Variants in RALYL observed in about 807,000 individuals in gnomAD.
The protein encoded by RALYL is RALY RNA binding protein like.
In RALYL, 29 loss-of-function variants were observed where a neutral mutation model predicts 35.1. That is an observed-to-expected ratio of 0.83 (90% CI 0.61 to 1.13). The LOEUF (loss-of-function observed/expected upper bound fraction) is 1.13. RALYL is among the 50% of genes most tolerant of loss of function. The pLI is 0.00. For missense variants in RALYL, 359 were observed against 360.4 expected (o/e 1.00, Z 0.03); for synonymous variants, 120 against 127.6 (o/e 0.94, Z 0.40).
chr8:84,687,510 C>T (rs527964950), intron 2 of RALYL, among the ~76,000 whole-genome samples: 12 of 151,988 alleles, frequency 7.9e-5, no homozygotes, highest in African/African-American at 2.9e-4. Context: ...TTATAGTTTC[C>T]GATCCTTTGA....
chr8:84,666,272 C>A (rs1308298894), intron 2 of RALYL, among the ~76,000 whole-genome samples: 1 of 151,966 alleles, frequency 6.6e-6, no homozygotes, highest in Non-Finnish European at 1.5e-5. Context: ...ACTTCTGAGA[C>A]CATAGTGAAG....
chr8:84,184,917 C>A, intron 1 of RALYL: 1 of 1,557,270 alleles, frequency 6.4e-7, no homozygotes, highest in South Asian at 1.1e-5. Context: ...CCAGGCCACG[C>A]GAGCCGGAGC....
At chr8:84,455,578 G>A (rs139033677) in intron 1 of RALYL, among the ~76,000 whole-genome samples, 1 of 151,752 alleles carries the variant, frequency 6.6e-6, no homozygotes, top group Non-Finnish European at 1.5e-5. Flanking sequence ...AGCCATTCAG[G>A]GTTTAAATAT....
chr8:84,311,089 A>AT lies in RALYL; in HGVS notation c.-24+126665_-24+126666insT, dbSNP rs1234892414. 1.3e-3 allele frequency among the ~76,000 whole-genome samples: 191 copies of AT among 142,610 alleles called. 14 individuals carry two copies. Among genetic ancestry groups the AT allele is most frequent in the Middle Eastern group, 3.6e-3 (1 of 278 alleles). 93.6% of individuals were successfully genotyped at this position (142,610 alleles called of 152,430 possible). A position where few individuals can be genotyped will look rare whatever the true frequency, so the allele number is the denominator to read the frequency against. On this transcript the variant is annotated intron_variant, in intron 1 of 8. Coordinates refer to ENST00000521268, the MANE Select transcript of RALYL (RefSeq NM_173848.7). The stretch of plus-strand genomic sequence containing the variant: ...AAAAAAAAAAAAAAAAAAAAAAAAA[A>AT]AATGTATATTAATGTATAGTATAAA...
chr8:84,517,854 T>C, intron 1 of RALYL, among the ~76,000 whole-genome samples: 1 of 152,156 alleles, frequency 6.6e-6, no homozygotes, highest in Admixed American at 6.5e-5. Context: ...GCATCTCATT[T>C]AAATTTCTTA....
At chr8:84,746,776 T>C (rs1808704618) in intron 2 of RALYL, among the ~76,000 whole-genome samples, 1 of 151,910 alleles carries the variant, frequency 6.6e-6, no homozygotes, top group South Asian at 2.1e-4. Context: ...TACTTAATAA[T>C]AAAGTCATTT....
At chr8:84,507,336 C>G (rs1333321128) in intron 1 of RALYL, among the ~76,000 whole-genome samples, 2 of 152,070 alleles carry the variant, frequency 1.3e-5, no homozygotes, top group East Asian at 1.9e-4. Flanking sequence ...ATGCATGACC[C>G]ATTTTACTAT....
chr8:84,412,057 T>TGG (rs2044158806), intron 1 of RALYL, among the ~76,000 whole-genome samples: 1 of 152,008 alleles, frequency 6.6e-6, no homozygotes, highest in African/African-American at 2.4e-5. Context: ...CTAGCTGTTA[T>TGG]TAATTTTCAC....
intron 4 of RALYL, among the ~76,000 whole-genome samples, chr8:84,817,578 C>T (rs904656794): frequency 2.0e-5 from 3 of 150,842 alleles, no homozygotes; most frequent in East Asian, 3.9e-4. Flanking sequence ...TCTTTTGAGA[C>T]AGGGTCTTAC....
At chr8:84,682,429 T>G (rs896340867) in intron 2 of RALYL, among the ~76,000 whole-genome samples, 1 of 152,218 alleles carries the variant, frequency 6.6e-6, no homozygotes, top group Admixed American at 6.5e-5. Flanking sequence ...TAGCTTTTCC[T>G]TTTACCTCTG....
chr8:84,781,200 G>A (rs959106444), intron 3 of RALYL, among the ~76,000 whole-genome samples: 4 of 152,010 alleles, frequency 2.6e-5, no homozygotes, highest in African/African-American at 7.3e-5. Flanking sequence ...CTATGATGAT[G>A]TTGCTAAATC....
intron 2 of RALYL, among the ~76,000 whole-genome samples, chr8:84,600,076 T>A (rs547074835): frequency 7.9e-5 from 12 of 152,208 alleles, no homozygotes; most frequent in African/African-American, 2.9e-4. Flanking sequence ...ACTTATAGAT[T>A]TTCACAGTGC....
chr8:84,514,384 A>G (rs1228659487), intron 1 of RALYL, among the ~76,000 whole-genome samples: 2 of 152,172 alleles, frequency 1.3e-5, no homozygotes, highest in African/African-American at 4.8e-5. Flanking sequence ...ATAACAAAGT[A>G]TTTGAGATAG....
chr8:84,310,884 A>G (rs1842653588), intron 1 of RALYL, among the ~76,000 whole-genome samples: 1 of 144,380 alleles, frequency 6.9e-6, no homozygotes, highest in African/African-American at 2.7e-5. Flanking sequence ...CGTCTCTACT[A>G]AAAATACAAA....
intron 8 of RALYL, among the ~76,000 whole-genome samples, chr8:84,905,677 G>A (rs971475540): frequency 2.0e-5 from 3 of 150,740 alleles, no homozygotes; most frequent in African/African-American, 7.3e-5. Context: ...TGAATTTTCT[G>A]GCACTACCAT....
rs201091689 is a variant in RALYL at position 84,377,462 on chromosome 8, T to TGTTTGTTTGTTTGTTTGTTTG, written c.-23-151837_-23-151836insGTTTGTTTGTTTGTTTGTTTG. Among the ~76,000 whole-genome samples the TGTTTGTTTGTTTGTTTGTTTG allele has an allele frequency of 4.0e-3, 591 of 146,916 alleles. 9 individuals carry two copies. Among genetic ancestry groups the TGTTTGTTTGTTTGTTTGTTTG allele is most frequent in the African/African-American group, 0.014 (563 of 38,970 alleles). Reference sequence around the variant, plus strand: ...ATCAAAGGTTAACTGTTTTTTTTTTTTTTTTTTTTTTTTCTTAAACTGATC... The same window carrying TGTTTGTTTGTTTGTTTGTTTG: ...ATCAAAGGTTAACTGTTTTTTTTTTTGTTTGTTTGTTTGTTTGTTTGTTTTTTTTTTTTTCTTAAACTGATC... On this transcript the variant is annotated intron_variant, in intron 1 of 8. Transcript: ENST00000521268.
intron 2 of RALYL, among the ~76,000 whole-genome samples, chr8:84,669,625 A>T (rs1255659055): frequency 6.6e-6 from 1 of 151,864 alleles, no homozygotes; most frequent in East Asian, 1.9e-4. Context: ...TTTGCTTAAG[A>T]TTCTGGAGCT....
chr8:84,640,698 A>G (rs1286031699), intron 2 of RALYL, among the ~76,000 whole-genome samples: 2 of 152,018 alleles, frequency 1.3e-5, no homozygotes, highest in South Asian at 4.1e-4. Context: ...AAGCTGAAGG[A>G]AAGAGTCACC....
At chr8:84,842,998 C>T (rs1343333271) in intron 4 of RALYL, among the ~76,000 whole-genome samples, 1 of 152,144 alleles carries the variant, frequency 6.6e-6, no homozygotes, top group Non-Finnish European at 1.5e-5. Context: ...ATAACAAACC[C>T]ACAGCCAATA....
Sources: gnomAD v4.1 joint callset for allele counts (sites outside exome capture counted in the v4.1 genomes callset) on GRCh38, gnomAD v4.1.1 for gene constraint, MANE v1.5 for transcripts, NCBI Gene and HGNC (gene_info 2026-07-23, HGNC 2026-07-21) for gene names.